SMYD3: variants seen among roughly 807,000 people sequenced by gnomAD.
SMYD3 encodes histone-lysine N-methyltransferase SMYD3.
In SMYD3, 36 loss-of-function variants were observed where a neutral mutation model predicts 57.7. The observed-to-expected ratio is 0.62, with a 90% CI of 0.48 to 0.82. SMYD3 has a LOEUF of 0.82. Ranked by LOEUF, SMYD3 falls within the 40% of genes least tolerant of loss-of-function variation. The pLI, the probability that SMYD3 is intolerant of heterozygous loss-of-function variation, is 0.00. For missense variants in SMYD3, 515 were observed against 538.8 expected (o/e 0.96, Z 0.44); for synonymous variants, 211 against 195.0 (o/e 1.08, Z -0.68).
chr1:246,461,424 G>A (rs1456807759), intron 1 of SMYD3, among the ~76,000 whole-genome samples: 1 of 152,022 alleles, frequency 6.6e-6, no homozygotes. Flanking sequence ...AAAATCCATA[G>A]TAAAAACTTA....
chr1:245,947,818 T>C (rs2057475905), intron 5 of SMYD3, among the ~76,000 whole-genome samples: 1 of 152,204 alleles, frequency 6.6e-6, no homozygotes, highest in Non-Finnish European at 1.5e-5. Flanking sequence ...TCAGCCTGTG[T>C]ATTATAAATC....
intron 1 of SMYD3, among the ~76,000 whole-genome samples, chr1:246,442,333 G>A (rs1008986266): frequency 6.6e-6 from 1 of 152,108 alleles, no homozygotes; most frequent in African/African-American, 2.4e-5. Flanking sequence ...GAGGCAGGCT[G>A]AGGTCACGAG....
chr1:246,093,341 C>T (rs2060853694), intron 5 of SMYD3, among the ~76,000 whole-genome samples: 1 of 152,126 alleles, frequency 6.6e-6, no homozygotes, highest in Non-Finnish European at 1.5e-5. Context: ...GCACTATTCA[C>T]AACAGTCAAG....
chr1:245,890,468 G>A (rs13374895), intron 8 of SMYD3, among the ~76,000 whole-genome samples: 14,736 of 152,052 alleles, frequency 0.097, 809 homozygotes, highest in South Asian at 0.19. Context: ...ATGGTGAACA[G>A]GTATAAGAAC....
chr1:246,256,668 T>G (rs1246939694), intron 5 of SMYD3, among the ~76,000 whole-genome samples: 2 of 152,234 alleles, frequency 1.3e-5, no homozygotes, highest in East Asian at 1.9e-4. Context: ...CTCAATTTCA[T>G]TCAGCTCTGC....
intron 1 of SMYD3, among the ~76,000 whole-genome samples, chr1:246,498,314 G>T (rs2068396223): frequency 6.6e-6 from 1 of 152,182 alleles, no homozygotes. Flanking sequence ...AAGTACAGTG[G>T]ATACATAAAA....
At chr1:246,113,973 T>G (rs35617001) in intron 5 of SMYD3, 24,770 of 152,088 alleles carry the variant, frequency 0.16, 3,607 homozygotes, top group African/African-American at 0.39. Context: ...TATTTAGGAA[T>G]CCGCGAAAGA....
intron 10 of SMYD3, among the ~76,000 whole-genome samples, chr1:245,843,068 A>C (rs1558411352): frequency 6.6e-6 from 1 of 152,138 alleles, no homozygotes; most frequent in Non-Finnish European, 1.5e-5. Flanking sequence ...GTGGGAATGA[A>C]GTGTTTGTGT....
intron 5 of SMYD3, among the ~76,000 whole-genome samples, chr1:246,135,647 C>T (rs946360621): frequency 2.6e-5 from 4 of 152,124 alleles, no homozygotes; most frequent in African/African-American, 9.7e-5. Context: ...GACACACACA[C>T]ACACACATAC....
chr1:246,272,104 A>C (rs2064235102), intron 5 of SMYD3, among the ~76,000 whole-genome samples: 1 of 152,222 alleles, frequency 6.6e-6, no homozygotes, highest in Non-Finnish European at 1.5e-5. Flanking sequence ...GTGTATAAAA[A>C]TGCAACGGAT....
intron 5 of SMYD3, among the ~76,000 whole-genome samples, chr1:245,982,434 A>G (rs2148074473): frequency 6.6e-6 from 1 of 152,350 alleles, no homozygotes; most frequent in South Asian, 2.1e-4. Flanking sequence ...TCCCACATTT[A>G]TATTTAAATA....
chr1:246,317,390 T>A (rs1245902779), intron 5 of SMYD3, among the ~76,000 whole-genome samples: 1 of 152,268 alleles, frequency 6.6e-6, no homozygotes, highest in Non-Finnish European at 1.5e-5. Context: ...CTTACAAATG[T>A]TAATTCAGGG....
intron 8 of SMYD3, among the ~76,000 whole-genome samples, chr1:245,910,600 T>G (rs1326854031): frequency 1.3e-5 from 2 of 151,916 alleles, no homozygotes; most frequent in African/African-American, 4.8e-5. Flanking sequence ...ATGGAACACA[T>G]GAAAGAACGT....
At chr1:245,866,787 A>G (rs1190995356) in intron 8 of SMYD3, among the ~76,000 whole-genome samples, 1 of 152,160 alleles carries the variant, frequency 6.6e-6, no homozygotes, top group African/African-American at 2.4e-5. Context: ...GCCTGCTTTA[A>G]GCCCGTATTC....
intron 5 of SMYD3, among the ~76,000 whole-genome samples, chr1:246,064,830 A>G (rs2060314040): frequency 6.6e-6 from 1 of 152,256 alleles, no homozygotes. Flanking sequence ...TGCATCGTTC[A>G]TGTTATCCTC....
chr1:245,951,382 A>G (rs2057637248), intron 5 of SMYD3, among the ~76,000 whole-genome samples: 1 of 140,392 alleles, frequency 7.1e-6, no homozygotes, highest in African/African-American at 2.9e-5. Flanking sequence ...ATCCTGGCTA[A>G]CACGGTGAAA....
chr1:246,329,006 C>T (rs1182846774), intron 4 of SMYD3, among the ~76,000 whole-genome samples: 1 of 152,126 alleles, frequency 6.6e-6, no homozygotes, highest in Non-Finnish European at 1.5e-5. Flanking sequence ...CATGTCCCTA[C>T]AAAGGACATG....
intron 5 of SMYD3, among the ~76,000 whole-genome samples, chr1:246,136,744 G>A (rs570032270): frequency 3.7e-4 from 56 of 152,320 alleles, no homozygotes; most frequent in Middle Eastern, 3.4e-3. Context: ...ATAAGTGAAT[G>A]AGTGGGCATA....
rs979853230 is a variant in SMYD3, at chr1:245,930,305, G to A, written c.532-368C>T. The stretch of plus-strand genomic sequence containing the variant: ...ATTTATTGAAAACTAGACTCCTGCT[G>A]TATCACGATTTTTTCAAACTGCATG... On this transcript the variant is annotated intron_variant, in intron 5 of 11. Transcript: ENST00000490107. 18 of 362,342 alleles carry A rather than the reference G, an allele frequency of 5.0e-5. 1 individual carries two copies. Among genetic ancestry groups the A allele is most frequent in the Admixed American group, 4.3e-4 (11 of 25,826 alleles). The allele number at this position is 362,342 out of a possible 1,614,324, so 22.4% of individuals were successfully genotyped here. A position where few individuals can be genotyped will look rare whatever the true frequency, so the allele number is the denominator to read the frequency against.
Sources: allele counts gnomAD v4.1 joint callset (sites outside exome capture counted in the v4.1 genomes callset), GRCh38; gene constraint gnomAD v4.1.1; transcripts MANE v1.5; gene names NCBI Gene and HGNC (gene_info 2026-07-23, HGNC 2026-07-21).